MNAT1: variants seen among roughly 807,000 people sequenced by gnomAD.
MNAT1 encodes the protein MNAT1 component of CDK activating kinase, also known as CDK-activating kinase assembly factor MAT1.
In MNAT1, 43 loss-of-function variants were observed where a neutral mutation model predicts 42.0. That is an observed-to-expected ratio of 1.02 (90% CI 0.80 to 1.32). The LOEUF (loss-of-function observed/expected upper bound fraction) is 1.32, where lower values mean the gene tolerates loss of function less well. MNAT1 is among the 40% of genes most tolerant of loss of function. MNAT1 has a pLI of 0.00. For synonymous variants in MNAT1, 118 were observed against 120.0 expected (o/e 0.98, Z 0.11); for missense variants, 306 against 350.4 (o/e 0.87, Z 1.01).
chr14:60,925,702 G>A lies in MNAT1; in HGVS notation c.810-42527G>A, dbSNP rs534117852. ...ATCTGTTTATTTGGAACTTAACCAA[G>A]CTTTAAAAAATCAACTGTGTTAATA... On this transcript the variant is annotated intron_variant, in intron 7 of 7. Transcript: ENST00000261245. Among the ~76,000 whole-genome samples the A allele has an allele frequency of 2.0e-5, 3 of 152,158 alleles. No individual in the cohort carries two copies. In the East Asian group the frequency reaches 5.8e-4, roughly 29 times the overall value.
intron 1 of MNAT1, among the ~76,000 whole-genome samples, chr14:60,779,741 G>A (rs1298108527): frequency 2.6e-5 from 4 of 150,998 alleles, no homozygotes; most frequent in Non-Finnish European, 5.9e-5. Flanking sequence ...AGCCGAGATC[G>A]CACCACTGCA....
chr14:60,817,910 G>A (rs2032764032), intron 5 of MNAT1, among the ~76,000 whole-genome samples: 1 of 151,894 alleles, frequency 6.6e-6, no homozygotes, highest in Non-Finnish European at 1.5e-5. Flanking sequence ...GTTTGTTTGT[G>A]TGTGTAGGAA....
chr14:60,824,558 G>A (rs2032996735), intron 6 of MNAT1, among the ~76,000 whole-genome samples: 1 of 152,114 alleles, frequency 6.6e-6, no homozygotes, highest in Admixed American at 6.5e-5. Flanking sequence ...AGGCAATAAA[G>A]TATAGAAGAA....
intron 1 of MNAT1, among the ~76,000 whole-genome samples, chr14:60,758,188 C>A (rs1385769656): frequency 2.0e-5 from 3 of 151,790 alleles, no homozygotes; most frequent in East Asian, 3.9e-4. Context: ...CTATGTCTTC[C>A]TTATCTCTAC....
At chr14:60,881,123 A>T (rs560105056) in intron 7 of MNAT1, among the ~76,000 whole-genome samples, 5 of 152,166 alleles carry the variant, frequency 3.3e-5, no homozygotes, top group African/African-American at 9.6e-5. Context: ...TTTTGTCAAA[A>T]TTTTTCATAT....
intron 7 of MNAT1, among the ~76,000 whole-genome samples, chr14:60,939,199 A>G (rs1256878048): frequency 2.0e-5 from 3 of 152,022 alleles, no homozygotes; most frequent in African/African-American, 7.2e-5. Context: ...GGATTCATTG[A>G]TTTGTTGAAG....
At chr14:60,891,311 T>C (rs141019236) in intron 7 of MNAT1, among the ~76,000 whole-genome samples, 215 of 152,240 alleles carry the variant, frequency 1.4e-3, no homozygotes, top group Non-Finnish European at 2.7e-3. Flanking sequence ...TTTTTCTCTT[T>C]TTTCTATTCT....
rs1304322308 is a variant in MNAT1, at chr14:60,969,789, T to TTC, written c.*1441_*1442insCT. ...TTGCAAAAATAAGGAATCCAGTCTT[T>TTC]TGAAAAGAAACACTACTGCTTGTTC... is the stretch of plus-strand genomic sequence containing the variant. On this transcript the variant is annotated 3_prime_UTR_variant, in exon 8 of 8. Coordinates refer to ENST00000261245, the MANE Select transcript of MNAT1 (RefSeq NM_002431.4). 5.3e-5 allele frequency: 8 copies of TTC among 152,286 alleles called. No homozygotes were observed. The highest frequency in any genetic ancestry group is 1.7e-4 in the African/African-American group (7 of 41,564). The allele number at this position is 152,286 out of a possible 1,614,324, so 9.4% of individuals were successfully genotyped here.
intron 6 of MNAT1, among the ~76,000 whole-genome samples, chr14:60,855,687 A>G (rs2033940869): frequency 1.3e-5 from 2 of 152,154 alleles, no homozygotes; most frequent in African/African-American, 4.8e-5. Context: ...TTGGAAATGC[A>G]GAAATTACCT....
intron 6 of MNAT1, among the ~76,000 whole-genome samples, chr14:60,834,876 A>G (rs1446066456): frequency 6.6e-6 from 1 of 151,422 alleles, no homozygotes; most frequent in Admixed American, 6.6e-5. Flanking sequence ...TATATTTAGG[A>G]TAGTTAGCTC....
intron 1 of MNAT1, among the ~76,000 whole-genome samples, chr14:60,772,509 T>C (rs1002413594): frequency 6.6e-6 from 1 of 151,958 alleles, no homozygotes; most frequent in Non-Finnish European, 1.5e-5. Context: ...CACAGGAGAA[T>C]TGCTTGAACC....
intron 7 of MNAT1, among the ~76,000 whole-genome samples, chr14:60,889,689 C>T (rs1344663638): frequency 3.3e-5 from 5 of 152,088 alleles, no homozygotes; most frequent in South Asian, 2.1e-4. Context: ...AGAAAATTTT[C>T]ACAACCTACT....
At chr14:60,947,399 A>G (rs902285122) in intron 7 of MNAT1, among the ~76,000 whole-genome samples, 1 of 152,100 alleles carries the variant, frequency 6.6e-6, no homozygotes, top group Non-Finnish European at 1.5e-5. Context: ...ACAATAATTT[A>G]TGTTAAATTG....
At chr14:60,849,296 C>G (rs1223605361) in intron 6 of MNAT1, among the ~76,000 whole-genome samples, 2 of 152,126 alleles carry the variant, frequency 1.3e-5, no homozygotes, top group African/African-American at 2.4e-5. Flanking sequence ...CCGTAAGATA[C>G]AAAACGTTCC....
chr14:60,946,807 A>G (rs886620465), intron 7 of MNAT1, among the ~76,000 whole-genome samples: 3 of 152,212 alleles, frequency 2.0e-5, no homozygotes, highest in African/African-American at 7.2e-5. Flanking sequence ...CTATATGGTA[A>G]TAGTCTATTT....
intron 3 of MNAT1, among the ~76,000 whole-genome samples, chr14:60,800,182 T>C (rs115988388): frequency 0.014 from 1,998 of 144,220 alleles, 45 homozygotes; most frequent in African/African-American, 0.046. Flanking sequence ...ATATTTAAAG[T>C]GTGTAAGGTT....
chr14:60,902,863 A>G (rs1031275362), intron 7 of MNAT1, among the ~76,000 whole-genome samples: 3 of 152,112 alleles, frequency 2.0e-5, no homozygotes, highest in Non-Finnish European at 4.4e-5. Flanking sequence ...AATTTTCTAC[A>G]TAATATTTTA....
chr14:60,748,312 T>C (rs1467681528), intron 1 of MNAT1, among the ~76,000 whole-genome samples: 2 of 152,166 alleles, frequency 1.3e-5, no homozygotes. Context: ...CTCACTGCAG[T>C]CTTGACATCC....
intron 1 of MNAT1, among the ~76,000 whole-genome samples, chr14:60,749,184 G>C (rs879702379): frequency 8.5e-5 from 13 of 152,188 alleles, no homozygotes; most frequent in Non-Finnish European, 1.9e-4. Flanking sequence ...GTATCAGAAA[G>C]TTTCATAGCA....
Sources: gnomAD v4.1 joint callset for allele counts (sites outside exome capture counted in the v4.1 genomes callset) on GRCh38, gnomAD v4.1.1 for gene constraint, MANE v1.5 for transcripts, NCBI Gene and HGNC (gene_info 2026-07-23, HGNC 2026-07-21) for gene names.